The following GPM6A variants were observed in gnomAD, a reference collection of about 807,000 sequenced individuals.
GPM6A encodes neuronal membrane glycoprotein M6-a.
A neutral mutation model predicts 32.1 loss-of-function variants in GPM6A; 7 were observed. That is an observed-to-expected ratio of 0.22 (90% CI 0.12 to 0.41). GPM6A has a LOEUF of 0.41. GPM6A is among the 10% of genes least tolerant of loss of function. The pLI is 1.00. For missense variants in GPM6A, 235 were observed against 347.2 expected, an observed-to-expected ratio of 0.68 and a Z score of 2.57; for synonymous variants, 130 against 123.4, an observed-to-expected ratio of 1.05 and a Z score of -0.35.
chr4:175,755,590 C>T (rs898328586), intron 1 of GPM6A, among the ~76,000 whole-genome samples: 1 of 152,222 alleles, frequency 6.6e-6, no homozygotes, highest in Admixed American at 6.5e-5. Context: ...TGTAAAACTT[C>T]AATCTAGTGG....
At chr4:175,731,089 A>T (rs34605029) in intron 1 of GPM6A, among the ~76,000 whole-genome samples, 9,685 of 152,144 alleles carry the variant, frequency 0.064, 487 homozygotes, top group East Asian at 0.29. Flanking sequence ...TTGAATATCA[A>T]TTTGTTATTT....
At chr4:175,710,025 A>G (rs1377232067) in intron 1 of GPM6A, among the ~76,000 whole-genome samples, 1 of 152,098 alleles carries the variant, frequency 6.6e-6, no homozygotes. Flanking sequence ...AAACACAAAG[A>G]CCAAAAAGTG....
chr4:175,941,068 T>G (rs1739390230), intron 1 of GPM6A, among the ~76,000 whole-genome samples: 1 of 152,220 alleles, frequency 6.6e-6, no homozygotes, highest in Admixed American at 6.5e-5. Flanking sequence ...TAAGAAATAC[T>G]GTTTTTTACT....
chr4:175,812,028 G>T, intron 1 of GPM6A, 163 bp downstream of exon 1: 1 of 557,666 alleles, frequency 1.8e-6, no homozygotes, highest in African/African-American at 1.9e-5. Context: ...GACAACATTC[G>T]TGCCAGACAT....
chr4:175,881,102 A>G (rs1307640141), intron 1 of GPM6A, among the ~76,000 whole-genome samples: 3 of 152,210 alleles, frequency 2.0e-5, no homozygotes, highest in African/African-American at 7.2e-5. Flanking sequence ...CATCTGACAA[A>G]GAGCTAATAT....
At chr4:175,925,706 A>G (rs1053039213) in intron 1 of GPM6A, among the ~76,000 whole-genome samples, 1 of 152,176 alleles carries the variant, frequency 6.6e-6, no homozygotes, top group South Asian at 2.1e-4. Flanking sequence ...GATGAATTAG[A>G]ATTCATAACT....
intron 1 of GPM6A, among the ~76,000 whole-genome samples, chr4:175,703,229 T>C (rs1744976093): frequency 6.6e-6 from 1 of 152,102 alleles, no homozygotes; most frequent in Non-Finnish European, 1.5e-5. Flanking sequence ...TGGACTACAG[T>C]AGTGCGATCT....
chr4:175,778,689 T>C (rs560496122), intron 1 of GPM6A, among the ~76,000 whole-genome samples: 92 of 143,350 alleles, frequency 6.4e-4, no homozygotes, highest in Non-Finnish European at 1.1e-3. Flanking sequence ...AGAAGAAAAC[T>C]CAAACAACAT....
intron 1 of GPM6A, among the ~76,000 whole-genome samples, chr4:175,952,252 T>C (rs933770648): frequency 4.6e-5 from 7 of 152,226 alleles, no homozygotes; most frequent in Non-Finnish European, 1.0e-4. Flanking sequence ...AACATTCTTT[T>C]ATGTTTGAAA....
chr4:175,689,251 T>C (rs1560876426), intron 2 of GPM6A, among the ~76,000 whole-genome samples: 1 of 152,214 alleles, frequency 6.6e-6, no homozygotes, highest in African/African-American at 2.4e-5. Context: ...AAATATACCA[T>C]TGTGATTTTG....
At chr4:175,960,748 T>C (rs1740138217) in intron 1 of GPM6A, 3 of 152,236 alleles carry the variant, frequency 2.0e-5, no homozygotes, top group Non-Finnish European at 2.9e-5. Flanking sequence ...ACTTACCTTC[T>C]GTAGACATGA....
intron 1 of GPM6A, among the ~76,000 whole-genome samples, chr4:175,874,930 C>T (rs1311998280): frequency 6.6e-6 from 1 of 152,184 alleles, no homozygotes; most frequent in Non-Finnish European, 1.5e-5. Context: ...TACTGCTTAA[C>T]ACGCCTCAGT....
At chr4:175,896,431 G>A (rs1353180200) in intron 1 of GPM6A, among the ~76,000 whole-genome samples, 1 of 152,082 alleles carries the variant, frequency 6.6e-6, no homozygotes, top group East Asian at 1.9e-4. Flanking sequence ...TCTGATGTGA[G>A]TTCAGCTATT....
In GPM6A at chr4:175,856,443, G is replaced by A. The variant is rs77241704; in HGVS notation, c.-22-44194C>T. Among the ~76,000 whole-genome samples the A allele has an allele frequency of 1.6e-4, 25 of 152,326 alleles. No homozygotes were observed. The East Asian group carries it at 3.1e-3, about 19-fold the overall frequency. ...GCAGGAAAGAACCCCATACCAGCGCGCAGCAGCATCTAGGGGTTGCCCACG... is the reference window on the plus strand; with the variant it reads ...GCAGGAAAGAACCCCATACCAGCGCACAGCAGCATCTAGGGGTTGCCCACG... On this transcript the variant is annotated intron_variant, in intron 1 of 7. Transcript: ENST00000280187.
intron 1 of GPM6A, among the ~76,000 whole-genome samples, chr4:175,745,295 A>G (rs1264233368): frequency 2.0e-5 from 3 of 152,342 alleles, no homozygotes; most frequent in African/African-American, 7.2e-5. Context: ...ATTCAGCAGT[A>G]GCTTAACAAA....
intron 1 of GPM6A, among the ~76,000 whole-genome samples, chr4:175,885,952 TG>T: frequency 6.6e-6 from 1 of 152,246 alleles, no homozygotes; most frequent in South Asian, 2.1e-4. Context: ...TTGAAAGATC[TG>T]AGGAAATCAC....
chr4:175,783,082 T>C (rs1733673505), intron 1 of GPM6A, among the ~76,000 whole-genome samples: 1 of 152,006 alleles, frequency 6.6e-6, no homozygotes, highest in Non-Finnish European at 1.5e-5. Context: ...TGTGACCTTG[T>C]TTTATTTATC....
At chr4:175,637,886 T>A (rs1052098623) in intron 6 of GPM6A, among the ~76,000 whole-genome samples, 2 of 86,790 alleles carry the variant, frequency 2.3e-5, no homozygotes, top group Non-Finnish European at 3.9e-5. Flanking sequence ...ATTTATATAT[T>A]ATATATATAT....
chr4:175,988,520 T>A (rs1037438306), intron 1 of GPM6A, among the ~76,000 whole-genome samples: 6 of 152,168 alleles, frequency 3.9e-5, no homozygotes, highest in African/African-American at 1.4e-4. Context: ...GCCCAAAAGA[T>A]AATAAGTAGG....
Sources: gnomAD v4.1 joint callset for allele counts (sites outside exome capture counted in the v4.1 genomes callset) on GRCh38, gnomAD v4.1.1 for gene constraint, MANE v1.5 for transcripts, NCBI Gene and HGNC (gene_info 2026-07-23, HGNC 2026-07-21) for gene names.